RUNX3: variants seen among roughly 807,000 people sequenced by gnomAD.
RUNX3 encodes the protein runt-related transcription factor 3.
Under a neutral mutation model 27.7 loss-of-function variants are expected in RUNX3, and 10 were observed. The observed-to-expected ratio is 0.36, with a 90% CI of 0.22 to 0.61. The LOEUF (loss-of-function observed/expected upper bound fraction) is 0.61. Among genes scored for constraint, RUNX3 ranks in the 20% least tolerant of loss-of-function variants. The pLI, the probability that RUNX3 is intolerant of heterozygous loss-of-function variation, is 0.72. For missense variants in RUNX3, 469 were observed against 629.5 expected (o/e 0.75, Z 2.73); for synonymous variants, 270 against 269.2 (o/e 1.00, Z -0.03).
intron 2 of RUNX3, among the ~76,000 whole-genome samples, chr1:24,942,425 CAA>C (rs1460186486): frequency 1.3e-5 from 2 of 152,106 alleles, no homozygotes; most frequent in Non-Finnish European, 2.9e-5. Flanking sequence ...TTGGGACACT[CAA>C]GAAAACAGAT....
intron 2 of RUNX3, among the ~76,000 whole-genome samples, chr1:24,922,643 C>T (rs1298008894): frequency 6.6e-6 from 1 of 152,176 alleles, no homozygotes; most frequent in Non-Finnish European, 1.5e-5. Context: ...ACATTTACCA[C>T]AATTTTTAAA....
intron 1 of RUNX3, chr1:24,928,875 G>T (rs933673115): frequency 2.8e-6 from 1 of 363,058 alleles, no homozygotes; most frequent in Non-Finnish European, 5.4e-6. Flanking sequence ...CTTTTCTCAC[G>T]GCAGCTGTGA....
rs1007601842 is a variant in RUNX3, at chr1:24,943,644, G to A, written c.59-13792C>T. ...TCTCTGAGGCTAGTCCCCTTGTGTC[G>A]GAAAAACAGGTCTGGAGAGGGGATG... On this transcript the variant is annotated intron_variant, in intron 2 of 6. Coordinates refer to the RUNX3 transcript ENST00000338888. This position sits in a 1 kb window ranked among gnomAD's most constrained non-coding sequence, Gnocchi z 4.6. Among the ~76,000 whole-genome samples the A allele has an allele frequency of 2.0e-5, 3 of 152,134 alleles. No homozygotes were observed. The highest frequency in any genetic ancestry group is 7.2e-5 in the African/African-American group (3 of 41,434).
At chr1:24,917,303 T>C (rs1296793183) in intron 3 of RUNX3, among the ~76,000 whole-genome samples, 1 of 152,116 alleles carries the variant, frequency 6.6e-6, no homozygotes, top group Admixed American at 6.5e-5. Flanking sequence ...CCTCCTTCAA[T>C]GGAGACTTGA....
At chr1:24,957,120 A>C (rs1641954431) in intron 2 of RUNX3, among the ~76,000 whole-genome samples, 1 of 152,222 alleles carries the variant, frequency 6.6e-6, no homozygotes, top group African/African-American at 2.4e-5. Flanking sequence ...TTCCGCCCAC[A>C]CGTAAGTCTG....
At chr1:24,931,798 C>A (rs1641235336), upstream of RUNX3, among the ~76,000 whole-genome samples, 2 of 152,280 alleles carry the variant, frequency 1.3e-5, no homozygotes, top group African/African-American at 2.4e-5. Context: ...CTACCCACCT[C>A]GGGACCTCAC....
upstream of RUNX3, among the ~76,000 whole-genome samples, chr1:24,934,596 G>A (rs1641306010): frequency 1.3e-5 from 2 of 152,198 alleles, no homozygotes; most frequent in East Asian, 3.8e-4. Flanking sequence ...CATGGGCATT[G>A]CTCATGGTAT....
At chr1:24,951,705 A>G (rs1380703774) in intron 2 of RUNX3, among the ~76,000 whole-genome samples, 2 of 152,238 alleles carry the variant, frequency 1.3e-5, no homozygotes, top group Non-Finnish European at 1.5e-5. Flanking sequence ...GGAAACGTCC[A>G]TTAATTCATA....
At position 24,929,572 on chromosome 1, in the gene RUNX3, G is replaced by T. The variant is rs902980200; in HGVS notation, c.282+15C>A. The T allele has an allele frequency of 2.5e-6, 4 of 1,596,714 alleles. No individual in the cohort carries two copies. The African/African-American group carries it at 4.0e-5, about 16-fold the overall frequency. On this transcript the variant is annotated intron_variant, in intron 1 of 4. Transcript: ENST00000308873. ...CCCAGGGCCGGCGCCCTCCCGCCCCGGGTCCCGCACTCACCTTGAAGGCGA... is the reference window on the plus strand; with the variant it reads ...CCCAGGGCCGGCGCCCTCCCGCCCCTGGTCCCGCACTCACCTTGAAGGCGA...
Position 24,962,187 on chromosome 1 carries a change from C to T in RUNX3, c.58+2327G>A, listed in dbSNP as rs1339281590. On this transcript the variant is annotated intron_variant, in intron 2 of 6. Coordinates refer to the RUNX3 transcript ENST00000338888. This position sits in a 1 kb window ranked among gnomAD's most constrained non-coding sequence, Gnocchi z 4.5. ...TGCATGGCCCACCGCGGGGTCTTGT[C>T]ACTCAGTGAGTTCTTGAAGAGGCAC... is the stretch of plus-strand genomic sequence containing the variant. 6 of 152,216 alleles carry T rather than the reference C, an allele frequency of 3.9e-5. No homozygotes were observed. The highest frequency in any genetic ancestry group is 8.8e-5 in the Non-Finnish European group (6 of 68,046). 9.4% of individuals were successfully genotyped at this position (152,216 alleles called of 1,614,324 possible). A position where few individuals can be genotyped will look rare whatever the true frequency, so the allele number is the denominator to read the frequency against.
intron 3 of RUNX3, among the ~76,000 whole-genome samples, chr1:24,918,705 C>T (rs1025077731): frequency 6.6e-6 from 1 of 152,156 alleles, no homozygotes; most frequent in Non-Finnish European, 1.5e-5. Flanking sequence ...AACACAAACT[C>T]GCTTTGATGG....
At chr1:24,929,361 G>C (rs1641165203) in intron 1 of RUNX3, 1 of 698,776 alleles carries the variant, frequency 1.4e-6, no homozygotes, top group African/African-American at 1.8e-5. Context: ...CCAAAACCCA[G>C]GTGGAGCGGG....
chr1:24,916,858 G>A lies in RUNX3; in HGVS notation c.544+2382C>T, dbSNP rs1005476156. ...TGCAGCAAGCCTGGCTTCTGACGCC[G>A]TGGGTCTCCAGGCCCAGCCTCTGTC... On this transcript the variant is annotated intron_variant, in intron 3 of 4. Transcript: ENST00000308873. This position sits in a 1 kb window ranked among gnomAD's most constrained non-coding sequence, Gnocchi z 4.8. Among the ~76,000 whole-genome samples the A allele has an allele frequency of 1.3e-5, 2 of 152,178 alleles. No individual in the cohort carries two copies. The highest frequency in any genetic ancestry group is 6.5e-5 in the Admixed American group (1 of 15,282).
Position 24,962,433 on chromosome 1 carries a change from C to T in RUNX3, c.58+2081G>A, listed in dbSNP as rs948038985. ...CCTGTAGGGGGCAGCGTGGGGTTGG[C>T]ACCCTGCAAATGGGACCCTGGGGCT... On this transcript the variant is annotated intron_variant, in intron 2 of 6. Coordinates refer to the RUNX3 transcript ENST00000338888. The surrounding 1 kb of genome is among the most constrained non-coding windows in gnomAD (Gnocchi z 4.5). Among the ~76,000 whole-genome samples, 6 of 152,198 alleles carry T rather than the reference C, an allele frequency of 3.9e-5. No individual in the cohort carries two copies. The highest frequency in any genetic ancestry group is 3.9e-4 in the Admixed American group (6 of 15,282).
chr1:24,906,611 T>C (rs1640669162), intron 4 of RUNX3, among the ~76,000 whole-genome samples: 1 of 152,172 alleles, frequency 6.6e-6, no homozygotes, highest in Admixed American at 6.5e-5. Context: ...TGGCTGCAAC[T>C]GTGCTTGCTG....
chr1:24,964,718 G>T (rs1189368216), intron 1 of RUNX3: 1 of 1,481,746 alleles, frequency 6.7e-7, no homozygotes, highest in African/African-American at 1.4e-5. Flanking sequence ...TTTTTGTTTT[G>T]TTTTTGTCTC....
chr1:24,913,068 G>T (rs1378253983), intron 3 of RUNX3, among the ~76,000 whole-genome samples: 2 of 152,156 alleles, frequency 1.3e-5, no homozygotes, highest in Non-Finnish European at 2.9e-5. Context: ...TCTGCCTCTG[G>T]GCCACAGTTT....
At chr1:24,903,150 A>G (rs2124239838) in intron 4 of RUNX3, among the ~76,000 whole-genome samples, 1 of 152,308 alleles carries the variant, frequency 6.6e-6, no homozygotes, top group African/African-American at 2.4e-5. Context: ...GCTTTTGAAG[A>G]CAAGAAAATG....
rs1171885416 is a variant in RUNX3, at chr1:24,916,749, T to C, written c.544+2491A>G. Among the ~76,000 whole-genome samples the C allele has an allele frequency of 1.3e-5, 2 of 152,010 alleles. No homozygotes were observed. On this transcript the variant is annotated intron_variant, in intron 3 of 4. Transcript: ENST00000308873. The surrounding 1 kb of genome is among the most constrained non-coding windows in gnomAD (Gnocchi z 4.8). Reference sequence around the variant, plus strand: ...GGGACCTAGTAGACTGCCCCCCGACTCCATCTCTGCTCTGTTCTGTAAATA... The same window carrying C: ...GGGACCTAGTAGACTGCCCCCCGACCCCATCTCTGCTCTGTTCTGTAAATA...
Sources: allele counts gnomAD v4.1 joint callset (sites outside exome capture counted in the v4.1 genomes callset), GRCh38; gene constraint gnomAD v4.1.1; non-coding constraint Gnocchi (gnomAD v3.1); transcripts MANE v1.5; gene names NCBI Gene and HGNC (gene_info 2026-07-23, HGNC 2026-07-21).